BTD: variants seen among roughly 807,000 people sequenced by gnomAD.
The protein encoded by BTD is biocytinase.
In BTD, 13 loss-of-function variants were observed where a neutral mutation model predicts 17.7. The ratio of observed to expected loss-of-function variants is 0.74; its 90% confidence interval spans 0.48 to 1.17. The LOEUF is 1.17. Among genes scored for constraint, BTD ranks in the 50% most tolerant of loss-of-function variants. BTD has a pLI of 0.00. For synonymous variants in BTD, 240 were observed against 245.2 expected (o/e 0.98, Z 0.20); for missense variants, 674 against 650.4 (o/e 1.04, Z -0.39).
intron 3 of BTD, among the ~76,000 whole-genome samples, chr3:15,704,518 A>G (rs181490759): frequency 1.2e-4 from 18 of 152,304 alleles, no homozygotes; most frequent in African/African-American, 3.8e-4. Context: ...ACCATTTAAA[A>G]AACAAATAAG....
At chr3:15,674,639 G>A (rs1013272388) in intron 3 of BTD, among the ~76,000 whole-genome samples, 1 of 152,078 alleles carries the variant, frequency 6.6e-6, no homozygotes, top group African/African-American at 2.4e-5. Flanking sequence ...TAAAACCAAA[G>A]GAACTGATGA....
exon 4 of BTD, chr3:15,711,218 C>G (rs578025692): frequency 6.2e-7 from 1 of 1,612,096 alleles, no homozygotes; most frequent in African/African-American, 1.3e-5. Flanking sequence ...TACCCTCCAG[C>G]TGCAGCTGCA....
intron 1 of BTD, among the ~76,000 whole-genome samples, chr3:15,633,719 G>A (rs1200106512): frequency 2.6e-5 from 4 of 152,222 alleles, no homozygotes; most frequent in Admixed American, 1.3e-4. Context: ...AGGCCTTTGC[G>A]TTATACTTCA....
intron 1 of BTD, among the ~76,000 whole-genome samples, chr3:15,616,378 G>C (rs528765667): frequency 1.1e-3 from 166 of 152,260 alleles, no homozygotes; most frequent in Non-Finnish European, 1.8e-3. Flanking sequence ...AATTTTGGGA[G>C]GCCGAGGTGG....
At chr3:15,642,178 C>T in intron 3 of BTD, 121 bp downstream of exon 3, 2 of 1,527,866 alleles carry the variant, frequency 1.3e-6, no homozygotes, top group Non-Finnish European at 1.8e-6. Flanking sequence ...CAAAATCCAA[C>T]CCAAACTCCC....
At chr3:15,642,288 A>G (rs2065532770) in intron 3 of BTD, 1 of 1,425,082 alleles carries the variant, frequency 7.0e-7, no homozygotes, top group Non-Finnish European at 9.2e-7. Context: ...TACACAATAA[A>G]TACAGGAATG....
chr3:15,717,911 A>C (rs1012705976), intron 4 of BTD, among the ~76,000 whole-genome samples: 1 of 152,192 alleles, frequency 6.6e-6, no homozygotes, highest in Non-Finnish European at 1.5e-5. Flanking sequence ...CTAGTCATCT[A>C]TAACTTGATC....
intron 3 of BTD, among the ~76,000 whole-genome samples, chr3:15,681,204 T>G (rs1428204213): frequency 1.3e-5 from 2 of 152,206 alleles, no homozygotes; most frequent in Non-Finnish European, 2.9e-5. Context: ...ACTTACAACT[T>G]AATTCAATGT....
intron 3 of BTD, among the ~76,000 whole-genome samples, chr3:15,686,704 G>A (rs1284022830): frequency 6.6e-6 from 1 of 152,212 alleles, no homozygotes; most frequent in Non-Finnish European, 1.5e-5. Flanking sequence ...GTTTTAAGGT[G>A]AGCAGCACAG....
chr3:15,682,794 G>T (rs1241098386), intron 3 of BTD, among the ~76,000 whole-genome samples: 4 of 152,076 alleles, frequency 2.6e-5, no homozygotes, highest in Non-Finnish European at 5.9e-5. Context: ...CGGGCTTTTG[G>T]CTATAAATAT....
intron 2 of BTD, among the ~76,000 whole-genome samples, chr3:15,639,737 T>G (rs1218465447): frequency 6.6e-6 from 1 of 152,250 alleles, no homozygotes; most frequent in Non-Finnish European, 1.5e-5. Flanking sequence ...TGCAATGAGA[T>G]GATACTGTAC....
At chr3:15,718,033 G>T (rs1014706980) in intron 4 of BTD, among the ~76,000 whole-genome samples, 1 of 152,092 alleles carries the variant, frequency 6.6e-6, no homozygotes, top group African/African-American at 2.4e-5. Context: ...TTATAATAAA[G>T]GGCAAGTGTA....
At chr3:15,707,084 T>TA (rs1169966634) in intron 3 of BTD, among the ~76,000 whole-genome samples, 1 of 152,224 alleles carries the variant, frequency 6.6e-6, no homozygotes, top group Non-Finnish European at 1.5e-5. Flanking sequence ...AAGTAAATGT[T>TA]AAAAACCGAA....
chr3:15,678,358 T>G (rs750611281), intron 3 of BTD: 1 of 1,586,336 alleles, frequency 6.3e-7, no homozygotes, highest in South Asian at 1.2e-5. Flanking sequence ...AGGAGTTCTG[T>G]GATAAAGAAA....
At chr3:15,617,086 G>C (rs1385896631) in intron 1 of BTD, among the ~76,000 whole-genome samples, 1 of 152,150 alleles carries the variant, frequency 6.6e-6, no homozygotes, top group East Asian at 1.9e-4. Context: ...GCCTGCCTTG[G>C]CCTCCCAAAG....
At chr3:15,687,879 G>A (rs375718222) in intron 3 of BTD, among the ~76,000 whole-genome samples, 19 of 152,260 alleles carry the variant, frequency 1.2e-4, no homozygotes, top group African/African-American at 4.6e-4. Flanking sequence ...TGTCATCTAA[G>A]TTCAATACCC....
intron 3 of BTD, among the ~76,000 whole-genome samples, chr3:15,693,424 TG>T (rs74424083): frequency 2.1e-3 from 1 of 482 alleles, no homozygotes; most frequent in African/African-American, 7.2e-3. Context: ...AATTGAAGGG[TG>T]GGGTAGAATA....
rs558122759 is a variant in BTD, at chr3:15,706,790, T to C, written c.400-3270T>C. On this transcript the variant is annotated intron_variant, in intron 3 of 3. Transcript: ENST00000672141. The stretch of plus-strand genomic sequence containing the variant: ...TTTTAATGATTGCCATTCTAACTGG[T>C]GTGAGATGGTATCTCACTGTGGTTT... Among the ~76,000 whole-genome samples, 12 of 152,336 alleles carry C rather than the reference T, an allele frequency of 7.9e-5. No homozygotes were observed. The South Asian group carries it at 2.5e-3, about 32-fold the overall frequency.
chr3:15,631,762 T>C (rs9880034), intron 1 of BTD, among the ~76,000 whole-genome samples: 6,525 of 152,220 alleles, frequency 0.043, 397 homozygotes, highest in African/African-American at 0.14. Context: ...CCAGATGCTT[T>C]CTATTGGCTT....
Sources: gnomAD v4.1 joint callset for allele counts (sites outside exome capture counted in the v4.1 genomes callset) on GRCh38, gnomAD v4.1.1 for gene constraint, MANE v1.5 for transcripts, NCBI Gene and HGNC (gene_info 2026-07-23, HGNC 2026-07-21) for gene names.